Variants in PGAP6 observed in about 807,000 individuals in gnomAD.
The protein encoded by PGAP6 is post-GPI attachment to proteins 6.
PGAP6 carries 62 observed loss-of-function variants against 68.4 expected under a neutral mutation model. The observed-to-expected ratio is 0.91, with a 90% confidence interval of 0.74 to 1.12. The LOEUF (loss-of-function observed/expected upper bound fraction) is 1.12. Among genes scored for constraint, PGAP6 ranks in the 50% most tolerant of loss-of-function variants. The probability of loss-of-function intolerance (pLI) is 0.00; values close to 1 mark genes in which losing one functional copy is unlikely to be tolerated. For missense variants in PGAP6, 1,188 were observed against 1,068.5 expected, an observed-to-expected ratio of 1.11 and a Z score of -1.56; for synonymous variants, 575 against 474.0, an observed-to-expected ratio of 1.21 and a Z score of -2.77.
At position 377,719 on chromosome 16, in the gene PGAP6, T is replaced by C; in HGVS notation, c.251A>G (p.Gln84Arg). The change falls in exon 2 of 13, where the codon CAG becomes CGG. Residue 84 changes from glutamine (Q) to arginine (R), a missense_variant. By Grantham distance (43) the Gln-to-Arg change is conservative. Transcript: ENST00000431232. ...GGCAGCGCCGCTCTCCCGGGAGACCTGCAGGAGCCAGCGTAGAAGCACAGC... is the reference window on the plus strand; with the variant it reads ...GGCAGCGCCGCTCTCCCGGGAGACCCGCAGGAGCCAGCGTAGAAGCACAGC... Reference protein sequence around the residue: ...PDAVLLRWLLQVSRESGAACT... With the variant: ...PDAVLLRWLLRVSRESGAACT... 8.8e-6 allele frequency: 14 copies of C among 1,596,164 alleles called. No individual in the cohort carries two copies. The highest frequency in any genetic ancestry group is 1.2e-5 in the Non-Finnish European group (14 of 1,172,212).
upstream of PGAP6, chr16:382,076 A>C (rs2054447034): frequency 5.8e-5 from 19 of 327,860 alleles, no homozygotes; most frequent in South Asian, 1.5e-4. Context: ...GGGAGGGGTC[A>C]CGTGGGGCGC....
upstream of PGAP6, among the ~76,000 whole-genome samples, chr16:386,050 C>A (rs1345348182): frequency 6.6e-6 from 1 of 152,110 alleles, no homozygotes; most frequent in Non-Finnish European, 1.5e-5. Context: ...AACAGGAAGA[C>A]CCTCAAGCCC....
rs1017256670 is a variant in PGAP6 at position 377,466 on chromosome 16, T to C, written c.419A>G (p.Asn140Ser). 1.9e-6 allele frequency: 3 copies of C among 1,610,444 alleles called. No homozygotes were observed. Among genetic ancestry groups the C allele is most frequent in the South Asian group, 2.2e-5 (2 of 90,716 alleles). ...GVPLSTTPRS[N>S]ASVNVSHPAP... ...CGGGTGGGAAACGTTGACGGAGGCA[T>C]TGCTTCTCGGTGTGGTGCTCAGCGG... Residue 140 changes from asparagine to serine, a missense_variant, in exon 3 of 13, where the codon AAT becomes AGT. By Grantham distance (46) the Asn-to-Ser change is conservative (BLOSUM62 1). Transcript: ENST00000431232.
At chr16:386,767 C>T (rs534841351), upstream of PGAP6, 7 of 531,910 alleles carry the variant, frequency 1.3e-5, no homozygotes, top group Middle Eastern at 5.3e-4. Flanking sequence ...CACAAGATGG[C>T]GCTGAAAGCA....
Position 381,879 on chromosome 16 carries a change from G to A in PGAP6, c.-58C>T. 2.1e-6 allele frequency: 2 copies of A among 975,300 alleles called. No homozygotes were observed. Among genetic ancestry groups the A allele is most frequent in the Non-Finnish European group, 2.4e-6 (2 of 823,156 alleles). The allele number at this position is 975,300 out of a possible 1,614,324, so 60.4% of individuals were successfully genotyped here. A position where few individuals can be genotyped will look rare whatever the true frequency, so the allele number is the denominator to read the frequency against. On this transcript the variant is annotated 5_prime_UTR_variant, in exon 1 of 13. Coordinates refer to ENST00000431232, the MANE Select transcript of PGAP6 (RefSeq NM_021259.3). The stretch of plus-strand genomic sequence containing the variant: ...GCGTCCCGCGCCGCCGGCCCCCGCC[G>A]CCGCCCGGGCAGCCTCTGCCGCCTC...
In PGAP6 at chr16:381,740, G is replaced by A. The variant is rs1208627119; in HGVS notation, c.82C>T (p.Arg28Trp). 4 of 1,213,186 alleles carry A rather than the reference G, an allele frequency of 3.3e-6. No homozygotes were observed. Among genetic ancestry groups the A allele is most frequent in the Middle Eastern group, 3.2e-4 (1 of 3,082 alleles). 75.2% of individuals were successfully genotyped at this position (1,213,186 alleles called of 1,614,324 possible). A position where few individuals can be genotyped will look rare whatever the true frequency, so the allele number is the denominator to read the frequency against. The change falls in exon 1 of 13, where the codon CGG becomes TGG. Residue 28 changes from arginine (R) to tryptophan (W), a missense_variant. Arg to Trp is a moderately radical substitution (Grantham distance 101, BLOSUM62 -3). Transcript: ENST00000431232. ...TAGCCGGCGGAGGCAGGCGGGGGCC[G>A]GGCAAGCAGCAGCAGCAGCAGCGGC... ...AGPLLLLLLA[R>W]PPPASAGYSG...
chr16:382,545 C>A, upstream of PGAP6: 1 of 321,688 alleles, frequency 3.1e-6, no homozygotes, highest in Non-Finnish European at 5.7e-6. Flanking sequence ...CTGTAGTACC[C>A]GATCGGGGTG....
In PGAP6 at chr16:381,846, C is replaced by CCCGGCCCGCGTCCCGCGCCG; in HGVS notation, c.-45_-26dup. On this transcript the variant is annotated 5_prime_UTR_variant, in exon 1 of 13. It removes the in-frame stop codon of an upstream open reading frame in the 5' UTR. Transcript: ENST00000431232. The stretch of plus-strand genomic sequence containing the variant: ...TGGCTCCGCGCTCGGCCCGGCGCTA[C>CCCGGCCCGCGTCCCGCGCCG]CCGGCCCGCGTCCCGCGCCGCCGGC... The CCCGGCCCGCGTCCCGCGCCG allele has an allele frequency of 1.0e-6, 1 of 998,130 alleles. No individual in the cohort carries two copies. The highest frequency in any genetic ancestry group is 1.8e-5 in the African/African-American group (1 of 57,100). The allele number at this position is 998,130 out of a possible 1,614,324, so 61.8% of individuals were successfully genotyped here. A position where few individuals can be genotyped will look rare whatever the true frequency, so the allele number is the denominator to read the frequency against.
chr16:383,420 T>C (rs1435577761), upstream of PGAP6: 26 of 152,270 alleles, frequency 1.7e-4, no homozygotes, highest in Admixed American at 1.7e-3. Flanking sequence ...CTCTGCGTTT[T>C]TCCCTCCAGG....
upstream of PGAP6, chr16:382,288 T>A: frequency 2.6e-6 from 1 of 391,656 alleles, no homozygotes; most frequent in Non-Finnish European, 4.5e-6. Flanking sequence ...GTTCGCTGAG[T>A]CCCAGCTCCG....
At position 372,257 on chromosome 16, in the gene PGAP6, C is replaced by T; in HGVS notation, c.2046G>A (p.Gln682=). The part of the protein sequence containing the change: ...MWAYRCGHRR[Q]CYPTSWQRWA... ...AGCGCTGCCACGAGGTGGGGTAGCACTGGCGCCGGTGCCCGCAGCGGTAAG... is the reference window on the plus strand; with the variant it reads ...AGCGCTGCCACGAGGTGGGGTAGCATTGGCGCCGGTGCCCGCAGCGGTAAG... The change falls in exon 13 of 13, where the codon CAG becomes CAA. Residue 682 remains glutamine, a synonymous_variant. Transcript: ENST00000431232. 1 of 1,611,332 alleles carries T rather than the reference C, an allele frequency of 6.2e-7. No homozygotes were observed. The highest frequency in any genetic ancestry group is 8.5e-7 in the Non-Finnish European group (1 of 1,179,842).
At chr16:386,313 G>C (rs936062917), upstream of PGAP6, among the ~76,000 whole-genome samples, 4 of 151,876 alleles carry the variant, frequency 2.6e-5, no homozygotes, top group Non-Finnish European at 5.9e-5. Context: ...TGCTTCCTGT[G>C]TGCAAGACTG....
chr16:372,704 C>G lies in PGAP6; in HGVS notation c.1926G>C (p.Leu642=), dbSNP rs199600677. ...LKYVLFLLGT[L]VIAMSLQLDR... is the part of the protein sequence containing the mutation. Reference sequence around the variant, plus strand: ...CCAGCTGCAAGGACATGGCGATGACCAGTGTACCCAGAAGAAACAGCACCT... The same window carrying G: ...CCAGCTGCAAGGACATGGCGATGACGAGTGTACCCAGAAGAAACAGCACCT... Residue 642 remains leucine, a synonymous_variant, in exon 12 of 13, where the codon CTG becomes CTC. Coordinates refer to ENST00000431232, the MANE Select transcript of PGAP6 (RefSeq NM_021259.3). 10 of 1,611,438 alleles carry G rather than the reference C, an allele frequency of 6.2e-6. No homozygotes were observed. The East Asian group carries it at 2.0e-4, about 32-fold the overall frequency.
intron 2 of PGAP6, 24 bp downstream of exon 2, chr16:377,647 G>A (rs1326753170): frequency 6.4e-7 from 1 of 1,572,258 alleles, no homozygotes; most frequent in Non-Finnish European, 8.6e-7. Context: ...GGGAGGGTGG[G>A]CAGGCGGGCG....
In PGAP6 at chr16:374,091, G is replaced by A. The variant is rs777631240; in HGVS notation, c.1816C>T (p.Leu606=). The A allele has an allele frequency of 1.2e-6, 2 of 1,611,940 alleles. No individual in the cohort carries two copies. Among genetic ancestry groups the A allele is most frequent in the Admixed American group, 1.7e-5 (1 of 60,012 alleles). ...AVLCILSYDT[L]QYCDFLGSGA... is the part of the protein sequence containing the mutation. ...GAGCCCAAGAAGTCGCAGTACTGCA[G>A]CGTGTCGTAGCTGAGGATGCACAGC... is the stretch of plus-strand genomic sequence containing the variant. Residue 606 remains leucine (L), a synonymous_variant, in exon 11 of 13, where the codon CTG becomes TTG. Transcript: ENST00000431232.
At chr16:378,640 C>G (rs2054413789) in intron 1 of PGAP6, among the ~76,000 whole-genome samples, 1 of 152,200 alleles carries the variant, frequency 6.6e-6, no homozygotes, top group Admixed American at 6.5e-5. Context: ...CCCTGGATAT[C>G]AAGGCACGGT....
chr16:386,728 A>AAAAAAAAC (rs2054487582), upstream of PGAP6: 1 of 90,220 alleles, frequency 1.1e-5, no homozygotes, highest in African/African-American at 3.5e-4. Flanking sequence ...AAAAAAACCA[A>AAAAAAAAC]AAAAAAAAAA....
chr16:378,386 T>G (rs143538485), intron 1 of PGAP6, among the ~76,000 whole-genome samples: 1,533 of 4,528 alleles, frequency 0.34, 26 homozygotes, highest in Middle Eastern at 0.5. Flanking sequence ...ATCGCCACCC[T>G]GACTGCCATC....
At chr16:379,806 C>T (rs1159628550) in intron 1 of PGAP6, among the ~76,000 whole-genome samples, 1 of 152,172 alleles carries the variant, frequency 6.6e-6, no homozygotes, top group Non-Finnish European at 1.5e-5. Flanking sequence ...GCTCTGCAGC[C>T]CAAGCTCCCT....
Sources: allele counts gnomAD v4.1 joint callset (sites outside exome capture counted in the v4.1 genomes callset), GRCh38; gene constraint gnomAD v4.1.1; transcripts MANE v1.5; gene names NCBI Gene and HGNC (gene_info 2026-07-23, HGNC 2026-07-21).